Variants in NAT10 observed in about 807,000 individuals in gnomAD.
NAT10 encodes N-acetyltransferase 10, also known as RNA cytidine acetyltransferase.
In NAT10, 109 loss-of-function variants were observed where a neutral mutation model predicts 132.2. That is an observed-to-expected ratio of 0.82 (90% confidence interval 0.71 to 0.97). The LOEUF is 0.97. Ranked by LOEUF, NAT10 falls within the 50% of genes least tolerant of loss-of-function variation. NAT10 has a pLI of 0.00. For synonymous variants in NAT10, 479 were observed against 478.0 expected, an observed-to-expected ratio of 1.00 and a Z score of -0.03; for missense variants, 1,184 against 1,263.4, an observed-to-expected ratio of 0.94 and a Z score of 0.95.
chr11:34,131,336 T>C (rs1227589590), intron 13 of NAT10, 45 bp from the exon 14 acceptor site: 17 of 1,572,370 alleles, frequency 1.1e-5, no homozygotes, highest in Non-Finnish European at 1.4e-5. Flanking sequence ...ACAATACATA[T>C]TTAATCATTG....
At chr11:34,107,605 A>G (rs994350542) in intron 1 of NAT10, among the ~76,000 whole-genome samples, 1 of 152,212 alleles carries the variant, frequency 6.6e-6, no homozygotes. Context: ...TGATCTTGTC[A>G]TAAGCATCTA....
chr11:34,132,589 C>T (rs926442288), intron 15 of NAT10, among the ~76,000 whole-genome samples: 2 of 152,122 alleles, frequency 1.3e-5, no homozygotes, highest in Non-Finnish European at 2.9e-5. Flanking sequence ...ATCTGAGACT[C>T]TTAAAAACAA....
rs147631840 is a variant in NAT10 at position 34,135,176 on chromosome 11, T to C, written c.1913T>C (p.Met638Thr). The change falls in exon 19 of 29, where the codon ATG becomes ACG. Residue 638 changes from methionine to threonine, a missense_variant and splice_region_variant. Transcript: ENST00000257829. ...RIAVHPDYQG[M>T]GYGSRALQLL... ...CTTCCCCTTCACGTTTGCTCCTAGATGGGCTATGGCAGCCGTGCTCTGCAG... is the reference window on the plus strand; with the variant it reads ...CTTCCCCTTCACGTTTGCTCCTAGACGGGCTATGGCAGCCGTGCTCTGCAG... The C allele has an allele frequency of 6.2e-7, 1 of 1,613,554 alleles. No individual in the cohort carries two copies. Among genetic ancestry groups the C allele is most frequent in the African/African-American group, 1.3e-5 (1 of 74,898 alleles).
intron 3 of NAT10, among the ~76,000 whole-genome samples, chr11:34,110,595 G>A (rs1336369512): frequency 1.0e-4 from 8 of 80,060 alleles, no homozygotes; most frequent in Non-Finnish European, 1.7e-4. Context: ...ACTTTCAGGT[G>A]ATAAGCTTAT....
At chr11:34,137,107 G>T in intron 21 of NAT10, 81 bp downstream of exon 21, 1 of 1,460,260 alleles carries the variant, frequency 6.8e-7, no homozygotes, top group Non-Finnish European at 9.6e-7. Flanking sequence ...AAGAGCCCTA[G>T]TGCCTCCCTG....
At chr11:34,121,973 C>G (rs919914261) in intron 8 of NAT10, among the ~76,000 whole-genome samples, 1 of 149,050 alleles carries the variant, frequency 6.7e-6, no homozygotes, top group Admixed American at 6.7e-5. Context: ...GTTAGGAGTT[C>G]GAGACCAGCC....
chr11:34,139,061 C>G (rs1565118723), intron 21 of NAT10, 130 bp from the exon 22 acceptor site: 3 of 800,892 alleles, frequency 3.7e-6, no homozygotes, highest in South Asian at 1.7e-5. Flanking sequence ...GCGCCTACCC[C>G]CAGCCTGGAA....
intron 25 of NAT10, 48 bp downstream of exon 25, chr11:34,141,256 A>G (rs1422612551): frequency 6.8e-6 from 11 of 1,610,060 alleles, no homozygotes; most frequent in Admixed American, 1.7e-5. Context: ...AAATAGTGCA[A>G]CAAACCCACT....
intron 11 of NAT10, among the ~76,000 whole-genome samples, chr11:34,126,128 GT>G (rs1851988286): frequency 6.6e-6 from 1 of 152,330 alleles, no homozygotes; most frequent in Middle Eastern, 3.4e-3. Context: ...CAACACTCAG[GT>G]TTAAGTATTG....
At chr11:34,139,826 G>T (rs1852288140) in intron 23 of NAT10, among the ~76,000 whole-genome samples, 1 of 152,154 alleles carries the variant, frequency 6.6e-6, no homozygotes, top group South Asian at 2.1e-4. Flanking sequence ...TCATGAAATT[G>T]TAATAAGAAT....
At position 34,139,467 on chromosome 11, in the gene NAT10, CA is replaced by C; in HGVS notation, c.2392del (p.Arg798GlyfsTer11). ...PSLALNIIQN[R>X]NMGKPAQPAL... The stretch of plus-strand genomic sequence containing the variant: ...CCCTGGCTCTGAACATCATTCAGAA[CA>C]GGAACATGGGGAAGCCAGCCCAGCC... On this transcript the variant is annotated frameshift_variant, in exon 23 of 29. Coordinates refer to ENST00000257829, the MANE Select transcript of NAT10 (RefSeq NM_024662.3). LOFTEE classifies it high-confidence loss of function. 6.2e-7 allele frequency: 1 copy of C among 1,614,056 alleles called. No homozygotes were observed. Among genetic ancestry groups the C allele is most frequent in the Non-Finnish European group, 8.5e-7 (1 of 1,180,004 alleles).
intron 25 of NAT10, among the ~76,000 whole-genome samples, 175 bp from the exon 26 acceptor site, chr11:34,141,544 T>A (rs1852332308): frequency 6.6e-6 from 1 of 152,118 alleles, no homozygotes; most frequent in Non-Finnish European, 1.5e-5. Context: ...TTGGTACATA[T>A]CCAGTCTGTG....
chr11:34,120,266 A>G (rs1167270695), intron 8 of NAT10, among the ~76,000 whole-genome samples: 1 of 147,666 alleles, frequency 6.8e-6, no homozygotes, highest in Admixed American at 7.0e-5. Context: ...TAGATTTGGT[A>G]CCATTCTGTT....
chr11:34,114,154 A>G (rs1018189470), intron 5 of NAT10, among the ~76,000 whole-genome samples: 1 of 152,208 alleles, frequency 6.6e-6, no homozygotes, highest in Admixed American at 6.5e-5. Context: ...GAGCAATGCC[A>G]GTGCCTAAAT....
Position 34,135,187 on chromosome 11 carries a change from A to C in NAT10, c.1924A>C (p.Ser642Arg), listed in dbSNP as rs200070922. 3.7e-6 allele frequency: 6 copies of C among 1,614,010 alleles called. No homozygotes were observed. In the Admixed American group the frequency reaches 6.7e-5, roughly 18 times the overall value. The part of the protein sequence containing the change: ...HPDYQGMGYG[S>R]RALQLLQMYY... ...CGTTTGCTCCTAGATGGGCTATGGCAGCCGTGCTCTGCAGCTGCTGCAGAT... is the reference window on the plus strand; with the variant it reads ...CGTTTGCTCCTAGATGGGCTATGGCCGCCGTGCTCTGCAGCTGCTGCAGAT... The change falls in exon 19 of 29, where the codon AGC becomes CGC. Residue 642 changes from serine to arginine, a missense_variant. Coordinates refer to ENST00000257829, the MANE Select transcript of NAT10 (RefSeq NM_024662.3).
chr11:34,144,645 A>G (rs1317280811), intron 28 of NAT10, among the ~76,000 whole-genome samples: 2 of 152,204 alleles, frequency 1.3e-5, no homozygotes, highest in African/African-American at 4.8e-5. Context: ...CAGTCCCTAG[A>G]CCACTCTTTG....
chr11:34,132,241 G>T lies in NAT10; in HGVS notation c.1617+20G>T. The T allele has an allele frequency of 3.8e-6, 6 of 1,581,068 alleles. No homozygotes were observed. The highest frequency in any genetic ancestry group is 4.3e-6 in the Non-Finnish European group (5 of 1,150,034). On this transcript the variant is annotated intron_variant, in intron 15 of 28. Transcript: ENST00000257829. ...TACAAGGTAACTGCAGCTAGCCCTT[G>T]TGTGAATGGTAGCAGGGAGCTTCAG...
chr11:34,118,696 G>T (rs1433301640), intron 8 of NAT10, among the ~76,000 whole-genome samples, 193 bp downstream of exon 8: 2 of 152,226 alleles, frequency 1.3e-5, no homozygotes, highest in Admixed American at 1.3e-4. Flanking sequence ...AAAGAAGTCT[G>T]GGGATTACCT....
At chr11:34,126,909 G>A (rs1852003856) in intron 11 of NAT10, among the ~76,000 whole-genome samples, 1 of 152,232 alleles carries the variant, frequency 6.6e-6, no homozygotes, top group African/African-American at 2.4e-5. Flanking sequence ...GTCCGTCAGT[G>A]CAGGGAGACT....
Sources: allele counts gnomAD v4.1 joint callset (sites outside exome capture counted in the v4.1 genomes callset), GRCh38; gene constraint gnomAD v4.1.1; transcripts MANE v1.5; gene names NCBI Gene and HGNC (gene_info 2026-07-23, HGNC 2026-07-21).